Variants in FRY observed in about 807,000 individuals in gnomAD.
FRY encodes the protein protein furry homolog.
FRY carries 128 observed loss-of-function variants against 348.4 expected under a neutral mutation model. The observed-to-expected ratio is 0.37, with a 90% confidence interval of 0.32 to 0.43. The LOEUF is 0.43. FRY is among the 20% of genes least tolerant of loss of function. The probability of loss-of-function intolerance (pLI) is 1.00; values close to 1 mark genes in which losing one functional copy is unlikely to be tolerated. For missense variants in FRY, 2,736 were observed against 3,695.2 expected, an observed-to-expected ratio of 0.74 and a Z score of 6.73; for synonymous variants, 1,370 against 1,374.7, an observed-to-expected ratio of 1.00 and a Z score of 0.08.
At chr13:32,151,132 G>T (rs1880763202) in intron 14 of FRY, among the ~76,000 whole-genome samples, 1 of 152,184 alleles carries the variant, frequency 6.6e-6, no homozygotes, top group South Asian at 2.1e-4. Context: ...GTCTTTAGCA[G>T]TCATTTCTCA....
At chr13:32,044,713 C>G (rs1286353261) in intron 1 of FRY, among the ~76,000 whole-genome samples, 6 of 152,196 alleles carry the variant, frequency 3.9e-5, no homozygotes, top group Admixed American at 6.5e-5. Flanking sequence ...TGACTGCTAT[C>G]CCAGTTGCTG....
intron 17 of FRY, among the ~76,000 whole-genome samples, chr13:32,166,860 A>G (rs2138197979): frequency 6.6e-6 from 1 of 152,262 alleles, no homozygotes; most frequent in South Asian, 2.1e-4. Context: ...TGAGCCTTCT[A>G]TCCCAGAAGC....
intron 1 of FRY, among the ~76,000 whole-genome samples, chr13:32,049,708 GACA>G (rs1023623549): frequency 6.6e-6 from 1 of 152,310 alleles, no homozygotes; most frequent in African/African-American, 2.4e-5. Flanking sequence ...CCAGGAAAGA[GACA>G]ACAAGGACTC....
chr13:32,274,769 CT>C (rs200672356), intron 55 of FRY, 72 bp from the exon 56 acceptor site: 29 of 1,072,532 alleles, frequency 2.7e-5, no homozygotes, highest in Admixed American at 3.5e-5. Context: ...GAAGCTACCC[CT>C]CCCCCAAAAT....
In FRY at chr13:32,267,335, T is replaced by A; in HGVS notation, c.8112T>A (p.Phe2704Leu). 2 of 1,614,122 alleles carry A rather than the reference T, an allele frequency of 1.2e-6. No homozygotes were observed. Among genetic ancestry groups the A allele is most frequent in the Non-Finnish European group, 1.7e-6 (2 of 1,179,994 alleles). The change falls in exon 55 of 61, where the codon TTT becomes TTA. Residue 2704 changes from phenylalanine (F) to leucine (L), a missense_variant. Phe to Leu is a conservative substitution (Grantham distance 22). This residue lies in a region of FRY where 789 missense variants were observed against 996.2 expected (regional missense o/e 0.79). Transcript: ENST00000542859. ...DSDGSCAVYT[F>L]HVFSSLFKNI... Reference sequence around the variant, plus strand: ...ATGGCTCCTGTGCTGTGTATACATTTCATGTGTTCTCCTCCTTGTTTAAGG... The same window carrying A: ...ATGGCTCCTGTGCTGTGTATACATTACATGTGTTCTCCTCCTTGTTTAAGG...
At chr13:32,067,800 T>C (rs923783134) in intron 1 of FRY, among the ~76,000 whole-genome samples, 2 of 152,210 alleles carry the variant, frequency 1.3e-5, no homozygotes, top group African/African-American at 4.8e-5. Context: ...GGACTCTGAG[T>C]TCAGTGTTCT....
chr13:32,122,651 A>G (rs1287505152), intron 4 of FRY, among the ~76,000 whole-genome samples: 1 of 152,156 alleles, frequency 6.6e-6, no homozygotes, highest in Non-Finnish European at 1.5e-5. Context: ...TACTGTCAGC[A>G]CTCTTCTTTA....
At chr13:32,039,499 C>T (rs546395833) in intron 1 of FRY, among the ~76,000 whole-genome samples, 5 of 152,090 alleles carry the variant, frequency 3.3e-5, no homozygotes, top group South Asian at 2.1e-4. Context: ...CACCTCCCCC[C>T]CCATACGTGT....
At chr13:32,177,125 C>T (rs983607155) in intron 20 of FRY, among the ~76,000 whole-genome samples, 1 of 152,164 alleles carries the variant, frequency 6.6e-6, no homozygotes, top group Non-Finnish European at 1.5e-5. Context: ...AAGGCAGTGT[C>T]CTCTCTTGGC....
intron 57 of FRY, among the ~76,000 whole-genome samples, chr13:32,277,625 C>A (rs1249868727): frequency 1.3e-5 from 2 of 150,396 alleles, no homozygotes; most frequent in Admixed American, 6.7e-5. Flanking sequence ...CTGACCAGCA[C>A]AATGCCACAT....
chr13:32,143,405 A>G (rs540000106), intron 11 of FRY, among the ~76,000 whole-genome samples: 4 of 152,354 alleles, frequency 2.6e-5, no homozygotes, highest in African/African-American at 9.6e-5. Context: ...TTCAGTGCAT[A>G]TGGAAGCAAA....
chr13:32,110,148 T>C (rs1188638539), intron 3 of FRY, among the ~76,000 whole-genome samples: 1 of 152,224 alleles, frequency 6.6e-6, no homozygotes, highest in Non-Finnish European at 1.5e-5. Flanking sequence ...TGTTAAATAC[T>C]TTGAAGCTTA....
At chr13:32,085,742 C>T (rs1875814353) in intron 2 of FRY, 4 of 390,962 alleles carry the variant, frequency 1.0e-5, no homozygotes, top group South Asian at 7.9e-5. Context: ...GGTGCTTCCT[C>T]TCTTTGTGTT....
chr13:32,169,763 A>T (rs2138206747), intron 17 of FRY, among the ~76,000 whole-genome samples: 1 of 152,264 alleles, frequency 6.6e-6, no homozygotes, highest in South Asian at 2.1e-4. Flanking sequence ...ACTGAATCTT[A>T]GGAGGGTCTC....
At chr13:32,229,461 T>G (rs1303110803) in intron 40 of FRY, among the ~76,000 whole-genome samples, 2 of 152,226 alleles carry the variant, frequency 1.3e-5, no homozygotes, top group Non-Finnish European at 1.5e-5. Flanking sequence ...CTTTCCACAA[T>G]TCATGATTCA....
intron 1 of FRY, among the ~76,000 whole-genome samples, chr13:32,075,723 A>G (rs1452331266): frequency 6.6e-6 from 1 of 152,192 alleles, no homozygotes; most frequent in East Asian, 1.9e-4. Flanking sequence ...TGAGGCTAGG[A>G]TTTGCCATGA....
At position 32,179,732 on chromosome 13, in the gene FRY, C is replaced by G. The variant is rs1321564101; in HGVS notation, c.2929C>G (p.Leu977Val). ...LLKQLVPLMR[L>V]ESIEITESLV... is the part of the protein sequence containing the mutation. ...AAAGCAGTTGGTGCCTTTGATGAGA[C>G]TAGAGAGCATTGAGATCACAGAGTC... The change falls in exon 23 of 61, where the codon CTA (leucine) becomes GTA (valine). Residue 977 changes from leucine to valine, a missense_variant. By Grantham distance (32) the Leu-to-Val change is conservative (BLOSUM62 1). Around this residue, in one of 9 missense-constraint regions of FRY, gnomAD observed 449 missense variants for 576.9 expected, o/e 0.78. Coordinates refer to ENST00000542859, the MANE Select transcript of FRY (RefSeq NM_023037.3). The G allele has an allele frequency of 6.2e-7, 1 of 1,613,340 alleles. No individual in the cohort carries two copies. The highest frequency in any genetic ancestry group is 2.2e-5 in the East Asian group (1 of 44,880).
chr13:32,197,436 G>A (rs2214122), intron 29 of FRY, among the ~76,000 whole-genome samples: 1 of 151,890 alleles, frequency 6.6e-6, no homozygotes. Context: ...TTGGTTATGT[G>A]AGCCATCCAT....
chr13:32,243,318 A>T (rs1886611983), intron 46 of FRY, among the ~76,000 whole-genome samples: 1 of 152,212 alleles, frequency 6.6e-6, no homozygotes, highest in Non-Finnish European at 1.5e-5. Context: ...CCTAGCGTTC[A>T]ATACTTGAAT....
Sources: allele counts gnomAD v4.1 joint callset (sites outside exome capture counted in the v4.1 genomes callset), GRCh38; gene constraint gnomAD v4.1.1; regional missense constraint gnomAD v4.1.1; transcripts MANE v1.5; gene names NCBI Gene and HGNC (gene_info 2026-07-23, HGNC 2026-07-21).